The following ROBO2 variants were observed in gnomAD, a reference collection of about 807,000 sequenced individuals.
ROBO2 encodes the protein roundabout guidance receptor 2.
In ROBO2, 53 loss-of-function variants were observed where a neutral mutation model predicts 160.8. The observed-to-expected ratio is 0.33, with a 90% CI of 0.26 to 0.41. The LOEUF is 0.41. Ranked by LOEUF, ROBO2 falls within the 10% of genes least tolerant of loss-of-function variation. The pLI is 1.00. For missense variants in ROBO2, 1,577 were observed against 1,722.4 expected, an observed-to-expected ratio of 0.92 and a Z score of 1.49; for synonymous variants, 664 against 611.7, an observed-to-expected ratio of 1.09 and a Z score of -1.26.
intron 2 of ROBO2, among the ~76,000 whole-genome samples, chr3:76,758,879 G>A (rs2061140091): frequency 6.6e-6 from 1 of 151,846 alleles, no homozygotes; most frequent in African/African-American, 2.4e-5. Context: ...AATGGTATGT[G>A]TATGTATAAA....
chr3:76,019,763 G>A, intron 2 of ROBO2, among the ~76,000 whole-genome samples: 1 of 149,056 alleles, frequency 6.7e-6, no homozygotes, highest in Admixed American at 6.7e-5. Flanking sequence ...TGTATTCCTT[G>A]GAATTGTCTA....
chr3:76,477,288 CAT>C (rs751755753), intron 2 of ROBO2, among the ~76,000 whole-genome samples: 4 of 152,056 alleles, frequency 2.6e-5, no homozygotes, highest in Non-Finnish European at 5.9e-5. Context: ...GATTAAAAAA[CAT>C]ATTTTTCTCG....
chr3:76,570,120 C>A (rs1188496320), intron 2 of ROBO2, among the ~76,000 whole-genome samples: 7 of 152,154 alleles, frequency 4.6e-5, no homozygotes, highest in South Asian at 2.1e-4. Flanking sequence ...GGCAACAAAG[C>A]GAGACCCTGC....
chr3:76,373,087 A>C (rs1688848156), intron 2 of ROBO2, among the ~76,000 whole-genome samples: 2 of 152,034 alleles, frequency 1.3e-5, no homozygotes, highest in African/African-American at 4.8e-5. Flanking sequence ...TTAAGAAATA[A>C]GAGCATCTAG....
chr3:76,436,361 C>A (rs2076683454), intron 2 of ROBO2, among the ~76,000 whole-genome samples: 1 of 152,192 alleles, frequency 6.6e-6, no homozygotes, highest in South Asian at 2.1e-4. Context: ...AGGTACCTGT[C>A]ACCTGTCTTC....
At chr3:76,707,082 T>C (rs1457062635) in intron 2 of ROBO2, among the ~76,000 whole-genome samples, 2 of 152,082 alleles carry the variant, frequency 1.3e-5, no homozygotes, top group Non-Finnish European at 2.9e-5. Flanking sequence ...TGTGTATATA[T>C]AGTGTATGTG....
chr3:76,278,105 T>C (rs1708034729), intron 2 of ROBO2, among the ~76,000 whole-genome samples: 1 of 151,900 alleles, frequency 6.6e-6, no homozygotes, highest in African/African-American at 2.4e-5. Flanking sequence ...TAATTAATGA[T>C]AAAGTTAAAC....
intron 23 of ROBO2, among the ~76,000 whole-genome samples, chr3:77,627,783 G>C (rs1382060308): frequency 3.3e-5 from 5 of 152,084 alleles, no homozygotes; most frequent in Non-Finnish European, 2.9e-5. Flanking sequence ...ATTAAATATT[G>C]GTTGAAAAAA....
chr3:76,919,375 T>G (rs1029882930), intron 2 of ROBO2, among the ~76,000 whole-genome samples: 1 of 152,140 alleles, frequency 6.6e-6, no homozygotes, highest in Non-Finnish European at 1.5e-5. Flanking sequence ...GACAAATTAT[T>G]CCAAAATATA....
chr3:75,975,867 A>T (rs2065120462), intron 2 of ROBO2, among the ~76,000 whole-genome samples: 1 of 151,594 alleles, frequency 6.6e-6, no homozygotes, highest in African/African-American at 2.4e-5. Flanking sequence ...AAGTAGTATT[A>T]ATCTGATTTC....
intron 2 of ROBO2, among the ~76,000 whole-genome samples, chr3:76,559,224 G>T (rs576773182): frequency 6.6e-6 from 1 of 152,110 alleles, no homozygotes; most frequent in Non-Finnish European, 1.5e-5. Flanking sequence ...CAATGGTCAC[G>T]TTGTGATAGG....
chr3:76,136,652 T>C (rs2071439387), intron 2 of ROBO2, among the ~76,000 whole-genome samples: 1 of 152,032 alleles, frequency 6.6e-6, no homozygotes. Flanking sequence ...ATTTATAGCC[T>C]GTGAAGGATT....
At chr3:77,614,342 T>G (rs1347200284) in intron 21 of ROBO2, among the ~76,000 whole-genome samples, 1 of 152,182 alleles carries the variant, frequency 6.6e-6, no homozygotes, top group East Asian at 1.9e-4. Flanking sequence ...TGGCATCAAT[T>G]TTTTAGAGCA....
chr3:77,104,331 A>G (rs1219686856), intron 2 of ROBO2, among the ~76,000 whole-genome samples: 1 of 152,148 alleles, frequency 6.6e-6, no homozygotes, highest in Non-Finnish European at 1.5e-5. Flanking sequence ...GTCTTGTGTG[A>G]CTATAATAGC....
chr3:76,271,251 C>T (rs1409941689), intron 2 of ROBO2, among the ~76,000 whole-genome samples: 1 of 151,960 alleles, frequency 6.6e-6, no homozygotes, highest in African/African-American at 2.4e-5. Context: ...TTTAAATTTT[C>T]TTCTTCTTTG....
intron 2 of ROBO2, among the ~76,000 whole-genome samples, chr3:76,371,731 C>A (rs1050432912): frequency 1.3e-5 from 2 of 152,000 alleles, no homozygotes; most frequent in Non-Finnish European, 2.9e-5. Flanking sequence ...TTACTTCTGG[C>A]TCCTGGCAAT....
chr3:77,231,009 G>A (rs995967592), intron 2 of ROBO2, among the ~76,000 whole-genome samples: 2 of 152,100 alleles, frequency 1.3e-5, no homozygotes, highest in Non-Finnish European at 2.9e-5. Context: ...CATGTGCTTG[G>A]AAGTTAGTAA....
intron 2 of ROBO2, among the ~76,000 whole-genome samples, chr3:76,547,494 A>G (rs1382841047): frequency 6.6e-6 from 1 of 152,002 alleles, no homozygotes. Flanking sequence ...GAAAATATCT[A>G]TGGAAGAAAA....
At chr3:77,422,338 G>A (rs893274985) in intron 2 of ROBO2, among the ~76,000 whole-genome samples, 1 of 152,100 alleles carries the variant, frequency 6.6e-6, no homozygotes, top group Non-Finnish European at 1.5e-5. Context: ...TGGACATGAA[G>A]GCTAAGCAGG....
Sources: gnomAD v4.1 joint callset for allele counts (sites outside exome capture counted in the v4.1 genomes callset) on GRCh38, gnomAD v4.1.1 for gene constraint, MANE v1.5 for transcripts, NCBI Gene and HGNC (gene_info 2026-07-23, HGNC 2026-07-21) for gene names.